The following LRFN2 variants were observed in gnomAD, a reference collection of about 807,000 sequenced individuals.
The protein encoded by LRFN2 is leucine rich repeat and fibronectin type III domain containing 2, also known as leucine-rich repeat and fibronectin type-III domain-containing protein 2.
In LRFN2, 18 loss-of-function variants were observed where a neutral mutation model predicts 37.3. The observed-to-expected ratio is 0.48, with a 90% CI of 0.33 to 0.72. The LOEUF is 0.72. LRFN2 is among the 30% of genes least tolerant of loss of function. The pLI is 0.02. For synonymous variants in LRFN2, 556 were observed against 466.6 expected (o/e 1.19, Z -2.47); for missense variants, 1,006 against 1,060.7 (o/e 0.95, Z 0.72).
intron 2 of LRFN2, among the ~76,000 whole-genome samples, chr6:40,399,383 C>T (rs1762682644): frequency 6.6e-6 from 1 of 151,182 alleles, no homozygotes; most frequent in African/African-American, 2.4e-5. Context: ...TCCATCATCC[C>T]TGAAATCCAA....
chr6:40,568,469 C>CA (rs557424045), intron 1 of LRFN2, among the ~76,000 whole-genome samples: 2 of 151,648 alleles, frequency 1.3e-5, no homozygotes, highest in Admixed American at 1.3e-4. Flanking sequence ...GGGTGAGGGG[C>CA]AAAAAAAAGT....
chr6:40,542,522 C>A (rs1450155563), intron 1 of LRFN2, among the ~76,000 whole-genome samples: 1 of 152,028 alleles, frequency 6.6e-6, no homozygotes, highest in Non-Finnish European at 1.5e-5. Flanking sequence ...ATCAGCAGCC[C>A]TGGGCAGCAG....
intron 1 of LRFN2, among the ~76,000 whole-genome samples, chr6:40,518,878 A>G (rs1417732012): frequency 5.3e-5 from 8 of 152,148 alleles, no homozygotes; most frequent in African/African-American, 1.7e-4. Context: ...GCAGGCTCAG[A>G]AGCAAGTCGG....
At chr6:40,418,769 C>T (rs1315522458) in intron 2 of LRFN2, among the ~76,000 whole-genome samples, 1 of 152,194 alleles carries the variant, frequency 6.6e-6, no homozygotes, top group Admixed American at 6.5e-5. Context: ...GATCACACCT[C>T]ATAGGGTTAA....
rs111346108 is a variant in LRFN2 at position 40,537,836 on chromosome 6, G to A, written c.-19+49105C>T. 4.3e-3 allele frequency among the ~76,000 whole-genome samples: 653 copies of A among 152,216 alleles called. 3 individuals are homozygous for A. The highest frequency in any genetic ancestry group is 6.6e-3 in the Non-Finnish European group (452 of 68,008). ...GTGGAGGGAGGGGACATATGAGGGA[G>A]GGGCTAAGCACAGGACCCCTCCCAG... is the stretch of plus-strand genomic sequence containing the variant. On this transcript the variant is annotated intron_variant, in intron 1 of 2. Transcript: ENST00000338305.
chr6:40,419,118 T>A (rs1763161468), intron 2 of LRFN2, among the ~76,000 whole-genome samples: 1 of 152,228 alleles, frequency 6.6e-6, no homozygotes, highest in African/African-American at 2.4e-5. Context: ...TGAGAACCAC[T>A]GCCCTCTAAG....
intron 2 of LRFN2, among the ~76,000 whole-genome samples, chr6:40,420,251 G>A (rs571511570): frequency 1.3e-5 from 2 of 152,338 alleles, no homozygotes; most frequent in African/African-American, 4.8e-5. Flanking sequence ...GTGGTTTTGT[G>A]CCATTCTTCC....
chr6:40,547,168 G>T (rs746232153), intron 1 of LRFN2, among the ~76,000 whole-genome samples: 2 of 149,956 alleles, frequency 1.3e-5, no homozygotes, highest in Non-Finnish European at 3.0e-5. Flanking sequence ...GCAGTGGCAC[G>T]ATCTCGGCTT....
intron 1 of LRFN2, among the ~76,000 whole-genome samples, chr6:40,541,043 G>GTC (rs1766546401): frequency 6.6e-6 from 1 of 152,152 alleles, no homozygotes; most frequent in African/African-American, 2.4e-5. Flanking sequence ...TCATTCTGCA[G>GTC]CAGAACTGCT....
At chr6:40,471,917 G>A (rs573670255) in intron 1 of LRFN2, among the ~76,000 whole-genome samples, 6 of 152,226 alleles carry the variant, frequency 3.9e-5, no homozygotes, top group Admixed American at 2.0e-4. Context: ...CAGAAGCAGC[G>A]AGGGCCTATT....
At position 40,400,751 on chromosome 6, in the gene LRFN2, T is replaced by C. The variant is rs117102167; in HGVS notation, c.1401-7839A>G. Among the ~76,000 whole-genome samples, 441 of 151,874 alleles carry C rather than the reference T, an allele frequency of 2.9e-3. 6 individuals carry two copies. Among genetic ancestry groups the C allele is most frequent in the East Asian group, 0.019 (100 of 5,170 alleles). ...AGGTGTTTTTCTATATCCTTGAGGC[T>C]TACTGCAAGGGCTCCTGAAAACCTT... On this transcript the variant is annotated intron_variant, in intron 2 of 2. Coordinates refer to ENST00000338305, the MANE Select transcript of LRFN2 (RefSeq NM_020737.3).
intron 1 of LRFN2, among the ~76,000 whole-genome samples, chr6:40,538,639 T>C (rs1425528443): frequency 6.6e-6 from 1 of 152,270 alleles, no homozygotes; most frequent in Non-Finnish European, 1.5e-5. Context: ...TACAGCTTTC[T>C]ACTGGCACCT....
chr6:40,409,685 T>G (rs903939930), intron 2 of LRFN2, among the ~76,000 whole-genome samples: 1 of 152,148 alleles, frequency 6.6e-6, no homozygotes, highest in African/African-American at 2.4e-5. Context: ...CACATCTACT[T>G]GGACACAGTA....
chr6:40,453,760 A>AAAT (rs1416162997), intron 1 of LRFN2, among the ~76,000 whole-genome samples: 1 of 152,174 alleles, frequency 6.6e-6, no homozygotes, highest in Non-Finnish European at 1.5e-5. Flanking sequence ...TGCTGAGGGC[A>AAAT]TGTTTTGTGC....
chr6:40,487,950 C>A, intron 1 of LRFN2, among the ~76,000 whole-genome samples: 1 of 152,184 alleles, frequency 6.6e-6, no homozygotes. Context: ...CCCCAGACTC[C>A]TCTGGCTGGT....
intron 2 of LRFN2, among the ~76,000 whole-genome samples, chr6:40,394,954 C>CT (rs3048994): frequency 3.6e-4 from 43 of 120,774 alleles, no homozygotes; most frequent in East Asian, 3.4e-3. Context: ...TTTTCTTTTC[C>CT]TTTTTTTTTT....
At chr6:40,562,835 T>TCACACA (rs773357501) in intron 1 of LRFN2, among the ~76,000 whole-genome samples, 55 of 125,702 alleles carry the variant, frequency 4.4e-4, no homozygotes, top group African/African-American at 1.4e-3. Flanking sequence ...GTGCACTCAC[T>TCACACA]CACACACACA....
intron 1 of LRFN2, among the ~76,000 whole-genome samples, chr6:40,543,383 A>C (rs1293449596): frequency 1.3e-5 from 2 of 152,210 alleles, no homozygotes; most frequent in East Asian, 3.8e-4. Context: ...TAGCTATATG[A>C]GTCACATTAT....
chr6:40,564,975 T>C (rs1581797060), intron 1 of LRFN2, among the ~76,000 whole-genome samples: 1 of 152,262 alleles, frequency 6.6e-6, no homozygotes, highest in South Asian at 2.1e-4. Flanking sequence ...GCTCTGACCA[T>C]TTGAGACAAA....
Sources: allele counts gnomAD v4.1 joint callset (sites outside exome capture counted in the v4.1 genomes callset), GRCh38; gene constraint gnomAD v4.1.1; transcripts MANE v1.5; gene names NCBI Gene and HGNC (gene_info 2026-07-23, HGNC 2026-07-21).